ZNF804B: variants seen among roughly 807,000 people sequenced by gnomAD.
The protein encoded by ZNF804B is zinc finger protein 804B.
In ZNF804B, 80 loss-of-function variants were observed where a neutral mutation model predicts 101.4. The ratio of observed to expected loss-of-function variants is 0.79; its 90% confidence interval spans 0.66 to 0.95. ZNF804B has a LOEUF of 0.95. Ranked by LOEUF, ZNF804B falls within the 40% of genes least tolerant of loss-of-function variation. The probability of loss-of-function intolerance (pLI) is 0.00; values close to 1 mark genes in which losing one functional copy is unlikely to be tolerated. For missense variants in ZNF804B, 1,673 were observed against 1,561.9 expected (o/e 1.07, Z -1.20); for synonymous variants, 622 against 558.8 (o/e 1.11, Z -1.59).
chr7:89,070,832 CT>C (rs1445345961), intron 1 of ZNF804B, among the ~76,000 whole-genome samples: 2 of 151,592 alleles, frequency 1.3e-5, no homozygotes, highest in African/African-American at 4.9e-5. Context: ...GCATTCAAGT[CT>C]TCATTTGTAG....
intron 2 of ZNF804B, among the ~76,000 whole-genome samples, chr7:89,313,337 A>T (rs895959047): frequency 2.0e-5 from 3 of 152,194 alleles, no homozygotes; most frequent in African/African-American, 7.2e-5. Flanking sequence ...TTATCCTGGG[A>T]TCTGTAGATG....
rs569865730 is a variant in ZNF804B, at chr7:89,172,645, C to T, written c.109-45510C>T. On this transcript the variant is annotated intron_variant, in intron 1 of 3. Coordinates refer to ENST00000333190, the MANE Select transcript of ZNF804B (RefSeq NM_181646.5). Reference sequence around the variant, plus strand: ...ATGTTCTTAATATACCCTTGTAGAACTTGAAAATTGAAATATAGGTATTTA... The same window carrying T: ...ATGTTCTTAATATACCCTTGTAGAATTTGAAAATTGAAATATAGGTATTTA... Among the ~76,000 whole-genome samples the T allele has an allele frequency of 9.9e-5, 15 of 152,174 alleles. No individual in the cohort carries two copies. The East Asian group carries it at 2.9e-3, about 29-fold the overall frequency.
At chr7:89,052,789 G>C (rs911722127) in intron 1 of ZNF804B, among the ~76,000 whole-genome samples, 1 of 152,084 alleles carries the variant, frequency 6.6e-6, no homozygotes, top group Non-Finnish European at 1.5e-5. Flanking sequence ...GTGGAATAAT[G>C]ATATTCAGAT....
chr7:89,212,351 CT>C (rs1471986475), intron 1 of ZNF804B, among the ~76,000 whole-genome samples: 1 of 151,550 alleles, frequency 6.6e-6, no homozygotes, highest in Non-Finnish European at 1.5e-5. Flanking sequence ...TAATTTTCTT[CT>C]TCTCAAGCGT....
intron 1 of ZNF804B, among the ~76,000 whole-genome samples, chr7:88,786,350 G>A (rs76729360): frequency 0.012 from 1,875 of 152,096 alleles, 22 homozygotes; most frequent in South Asian, 0.026. Flanking sequence ...TGCATATAAT[G>A]GGCAATCAAT....
chr7:89,121,942 T>A (rs117374188), intron 1 of ZNF804B, among the ~76,000 whole-genome samples: 5,201 of 152,210 alleles, frequency 0.034, 130 homozygotes, highest in Non-Finnish European at 0.052. Context: ...TTGAATTAAC[T>A]TCCATGTACT....
intron 1 of ZNF804B, among the ~76,000 whole-genome samples, chr7:89,033,677 A>C (rs1351534723): frequency 1.3e-5 from 2 of 152,150 alleles, no homozygotes; most frequent in African/African-American, 4.8e-5. Flanking sequence ...AAAATTATGT[A>C]AATACATTTT....
At chr7:89,184,867 A>G (rs1788353578) in intron 1 of ZNF804B, among the ~76,000 whole-genome samples, 1 of 146,564 alleles carries the variant, frequency 6.8e-6, no homozygotes, top group African/African-American at 2.5e-5. Flanking sequence ...GTATATTCCT[A>G]TGGGCAACTA....
Position 89,334,093 on chromosome 7 carries a change from A to G in ZNF804B, c.1111A>G (p.Asn371Asp), listed in dbSNP as rs1791032275. 2.5e-6 allele frequency: 4 copies of G among 1,613,718 alleles called. No individual in the cohort carries two copies. The East Asian group carries it at 8.9e-5, about 36-fold the overall frequency. The stretch of plus-strand genomic sequence containing the variant: ...AGCAAATGCTTCCTTCAGCCCACCA[A>G]ACATTTACAACCATAGTGATGCCAG... ...CQANASFSPP[N>D]IYNHSDARIS... The change falls in exon 4 of 4, where the codon AAC (asparagine) becomes GAC (aspartate). Residue 371 changes from asparagine (N) to aspartate (D), a missense_variant. By Grantham distance (23) the Asn-to-Asp change is conservative (BLOSUM62 1). Coordinates refer to ENST00000333190, the MANE Select transcript of ZNF804B (RefSeq NM_181646.5).
At chr7:89,017,382 G>A (rs1409345489) in intron 1 of ZNF804B, among the ~76,000 whole-genome samples, 4 of 152,240 alleles carry the variant, frequency 2.6e-5, no homozygotes, top group Admixed American at 6.5e-5. Flanking sequence ...TGTTGAATAG[G>A]AGTGTTGAGA....
intron 1 of ZNF804B, among the ~76,000 whole-genome samples, chr7:89,139,593 A>G (rs1790687434): frequency 6.6e-6 from 1 of 152,052 alleles, no homozygotes; most frequent in Non-Finnish European, 1.5e-5. Context: ...CATCTTCACC[A>G]GGAATAGATT....
intron 1 of ZNF804B, among the ~76,000 whole-genome samples, chr7:89,086,736 C>T (rs1395429744): frequency 6.6e-6 from 1 of 151,800 alleles, no homozygotes; most frequent in Non-Finnish European, 1.5e-5. Context: ...TTATGGGATG[C>T]CTTTTCAGAG....
At chr7:88,911,240 T>A (rs1792546392) in intron 1 of ZNF804B, among the ~76,000 whole-genome samples, 1 of 151,788 alleles carries the variant, frequency 6.6e-6, no homozygotes, top group African/African-American at 2.4e-5. Context: ...ATTCCCTAAG[T>A]AGGATTTTAC....
At chr7:88,882,133 T>A (rs1288618381) in intron 1 of ZNF804B, among the ~76,000 whole-genome samples, 2 of 152,118 alleles carry the variant, frequency 1.3e-5, no homozygotes, top group African/African-American at 4.8e-5. Flanking sequence ...CCTCACTTAG[T>A]GTTTAAGATT....
intron 1 of ZNF804B, among the ~76,000 whole-genome samples, chr7:89,050,293 G>C (rs1789178999): frequency 1.3e-5 from 2 of 151,966 alleles, no homozygotes; most frequent in South Asian, 4.1e-4. Context: ...GGTCTCAGAT[G>C]AAGGGATTAT....
At chr7:89,046,937 CT>C (rs1789118256) in intron 1 of ZNF804B, among the ~76,000 whole-genome samples, 1 of 152,010 alleles carries the variant, frequency 6.6e-6, no homozygotes, top group Non-Finnish European at 1.5e-5. Flanking sequence ...ATTTTAATAG[CT>C]TTCTATAACC....
intron 1 of ZNF804B, among the ~76,000 whole-genome samples, chr7:88,866,593 T>C (rs1381928153): frequency 1.3e-5 from 2 of 152,150 alleles, no homozygotes; most frequent in Non-Finnish European, 2.9e-5. Flanking sequence ...AAACCCTGAC[T>C]TGTGACCTGA....
chr7:89,264,551 T>C lies in ZNF804B; in HGVS notation c.249+46256T>C, dbSNP rs144326253. On this transcript the variant is annotated intron_variant, in intron 2 of 3. Transcript: ENST00000333190. The stretch of plus-strand genomic sequence containing the variant: ...CTTCAATCTCTGTTTACCCTCTTCT[T>C]CTGTTTCTTCTGATTGACTGTTTCT... Among the ~76,000 whole-genome samples, 38 of 152,248 alleles carry C rather than the reference T, an allele frequency of 2.5e-4. 1 individual carries two copies. The highest frequency in any genetic ancestry group is 2.5e-3 in the Admixed American group (38 of 15,286).
intron 1 of ZNF804B, among the ~76,000 whole-genome samples, chr7:88,780,623 G>GCGATC (rs1164829574): frequency 1.3e-5 from 2 of 151,912 alleles, no homozygotes; most frequent in African/African-American, 4.8e-5. Context: ...CTGGGCTCAA[G>GCGATC]CGATCCGCCC....
Sources: gnomAD v4.1 joint callset for allele counts (sites outside exome capture counted in the v4.1 genomes callset) on GRCh38, gnomAD v4.1.1 for gene constraint, MANE v1.5 for transcripts, NCBI Gene and HGNC (gene_info 2026-07-23, HGNC 2026-07-21) for gene names.